The following EIPR1 variants were observed in gnomAD, a reference collection of about 807,000 sequenced individuals.
The protein encoded by EIPR1 is EARP complex and GARP complex interacting protein 1.
A neutral mutation model predicts 48.1 loss-of-function variants in EIPR1; 25 were observed. That is an observed-to-expected ratio of 0.52 (90% CI 0.38 to 0.73). The LOEUF (loss-of-function observed/expected upper bound fraction) is 0.73. EIPR1 is among the 30% of genes least tolerant of loss of function. The pLI, the probability that EIPR1 is intolerant of heterozygous loss-of-function variation, is 0.00. For missense variants in EIPR1, 415 were observed against 506.2 expected (o/e 0.82, Z 1.73); for synonymous variants, 204 against 201.9 (o/e 1.01, Z -0.09).
At chr2:3,364,753 C>T (rs1349213782) in intron 1 of EIPR1, among the ~76,000 whole-genome samples, 4 of 151,960 alleles carry the variant, frequency 2.6e-5, no homozygotes, top group Non-Finnish European at 4.4e-5. Flanking sequence ...TGTTTTCAGT[C>T]ATCTGTGGGA....
intron 3 of EIPR1, among the ~76,000 whole-genome samples, chr2:3,262,903 G>GAC (rs1474936072): frequency 6.6e-6 from 1 of 152,192 alleles, no homozygotes; most frequent in Non-Finnish European, 1.5e-5. Context: ...ACAAAGTAGA[G>GAC]ACGGTGCACA....
intron 8 of EIPR1, among the ~76,000 whole-genome samples, chr2:3,192,031 G>A (rs1035982673): frequency 6.6e-6 from 1 of 152,198 alleles, no homozygotes; most frequent in East Asian, 1.9e-4. Flanking sequence ...TCAAATCCAC[G>A]CCAGTGAAGA....
At chr2:3,198,300 C>T (rs1244364791) in intron 5 of EIPR1, among the ~76,000 whole-genome samples, 1 of 152,170 alleles carries the variant, frequency 6.6e-6, no homozygotes, top group Non-Finnish European at 1.5e-5. Flanking sequence ...ACCTGGTGTC[C>T]CCCCAGTCCT....
intron 3 of EIPR1, among the ~76,000 whole-genome samples, chr2:3,287,233 ATCCAGAAAGCTCGTTCACCACAC>A (rs1553294926): frequency 3.7e-5 from 2 of 53,790 alleles, no homozygotes; most frequent in Admixed American, 3.2e-4. Flanking sequence ...GTTCACCACA[ATCCAGAAAGCTCGTTCACCACAC>A]TCCAGAAAGC....
At chr2:3,284,697 C>T (rs1001541580) in intron 3 of EIPR1, among the ~76,000 whole-genome samples, 3 of 152,222 alleles carry the variant, frequency 2.0e-5, no homozygotes, top group Non-Finnish European at 4.4e-5. Context: ...GATACAGTAA[C>T]TCAAATGGAG....
At chr2:3,225,155 C>T (rs760240469) in intron 4 of EIPR1, among the ~76,000 whole-genome samples, 35 of 151,580 alleles carry the variant, frequency 2.3e-4, no homozygotes, top group Non-Finnish European at 4.0e-4. Context: ...TGGCTTTTTC[C>T]CCCCCAGATT....
chr2:3,200,887 C>T (rs535354894), intron 5 of EIPR1, among the ~76,000 whole-genome samples: 32 of 152,234 alleles, frequency 2.1e-4, no homozygotes, highest in African/African-American at 6.3e-4. Flanking sequence ...ACAGAGTGAC[C>T]GAACCAGAAA....
At chr2:3,373,315 T>A (rs1217259641) in intron 1 of EIPR1, among the ~76,000 whole-genome samples, 1 of 151,802 alleles carries the variant, frequency 6.6e-6, no homozygotes, top group Non-Finnish European at 1.5e-5. Flanking sequence ...CTTTGAAAAC[T>A]GGCACAAGAC....
chr2:3,273,979 AAAT>A (rs1208264662), intron 3 of EIPR1, among the ~76,000 whole-genome samples: 1 of 152,266 alleles, frequency 6.6e-6, no homozygotes, highest in African/African-American at 2.4e-5. Context: ...TTCTTAAAAA[AAAT>A]AATAAAGCAT....
chr2:3,220,354 A>C (rs780190397), intron 4 of EIPR1, among the ~76,000 whole-genome samples: 14 of 151,494 alleles, frequency 9.2e-5, no homozygotes, highest in Admixed American at 4.6e-4. Flanking sequence ...GCCATGGTAC[A>C]TTTTACAGCA....
At chr2:3,330,037 G>C (rs1230069947) in intron 3 of EIPR1, among the ~76,000 whole-genome samples, 2 of 152,258 alleles carry the variant, frequency 1.3e-5, no homozygotes, top group African/African-American at 2.4e-5. Context: ...ATTCTCTAAT[G>C]ATCTTGCGGC....
chr2:3,258,812 T>C (rs1448816217), intron 3 of EIPR1, among the ~76,000 whole-genome samples: 1 of 152,174 alleles, frequency 6.6e-6, no homozygotes, highest in African/African-American at 2.4e-5. Flanking sequence ...TAAAAGAACA[T>C]GCAATTATGG....
chr2:3,220,488 G>A (rs953283625), intron 4 of EIPR1, among the ~76,000 whole-genome samples: 2 of 151,842 alleles, frequency 1.3e-5, no homozygotes, highest in Admixed American at 6.6e-5. Context: ...CATGATGGCC[G>A]TGGTACATTC....
chr2:3,258,595 T>C (rs1411574028), intron 3 of EIPR1, among the ~76,000 whole-genome samples: 2 of 152,228 alleles, frequency 1.3e-5, no homozygotes, highest in East Asian at 1.9e-4. Flanking sequence ...ATGTATCACT[T>C]ACTGGTGATG....
At chr2:3,257,019 G>A (rs1371728334) in intron 4 of EIPR1, among the ~76,000 whole-genome samples, 1 of 152,216 alleles carries the variant, frequency 6.6e-6, no homozygotes, top group Non-Finnish European at 1.5e-5. Flanking sequence ...GGGCAGTGCA[G>A]TGCCTGACCC....
chr2:3,269,095 C>T (rs1383615085), intron 3 of EIPR1, among the ~76,000 whole-genome samples: 3 of 152,222 alleles, frequency 2.0e-5, no homozygotes, highest in African/African-American at 4.8e-5. Context: ...TCCCCATCTA[C>T]TCCATCATGT....
chr2:3,217,117 AAT>A (rs1296514274), intron 4 of EIPR1, among the ~76,000 whole-genome samples: 6 of 152,354 alleles, frequency 3.9e-5, no homozygotes, highest in Admixed American at 6.5e-5. Context: ...TCTAAACAGA[AAT>A]GCAGGTGATT....
At chr2:3,280,240 T>C (rs1007578996) in intron 3 of EIPR1, among the ~76,000 whole-genome samples, 5 of 152,238 alleles carry the variant, frequency 3.3e-5, no homozygotes, top group Admixed American at 3.3e-4. Flanking sequence ...GCCTCACAGG[T>C]TGCAAAGCAC....
intron 5 of EIPR1, among the ~76,000 whole-genome samples, chr2:3,205,622 G>A (rs1467725210): frequency 6.6e-6 from 1 of 152,148 alleles, no homozygotes; most frequent in Non-Finnish European, 1.5e-5. Context: ...CAACCTAACT[G>A]TGGCACCTCT....
Sources: allele counts gnomAD v4.1 joint callset (sites outside exome capture counted in the v4.1 genomes callset), GRCh38; gene constraint gnomAD v4.1.1; transcripts MANE v1.5; gene names NCBI Gene and HGNC (gene_info 2026-07-23, HGNC 2026-07-21).